AKNAD1: variants seen among roughly 807,000 people sequenced by gnomAD.
AKNAD1 encodes the protein AKNA domain containing 1, also known as protein AKNAD1.
A neutral mutation model predicts 90.8 loss-of-function variants in AKNAD1; 67 were observed. The ratio of observed to expected loss-of-function variants is 0.74; its 90% CI spans 0.61 to 0.90. The LOEUF (loss-of-function observed/expected upper bound fraction) is 0.90. Ranked by LOEUF, AKNAD1 falls within the 40% of genes least tolerant of loss-of-function variation. The pLI, the probability that AKNAD1 is intolerant of heterozygous loss-of-function variation, is 0.00. For missense variants in AKNAD1, 957 were observed against 975.4 expected (o/e 0.98, Z 0.25); for synonymous variants, 327 against 341.4 (o/e 0.96, Z 0.46).
chr1:108,824,281 T>G (rs535422156), intron 11 of AKNAD1, among the ~76,000 whole-genome samples: 12 of 152,298 alleles, frequency 7.9e-5, no homozygotes, highest in African/African-American at 2.6e-4. Context: ...GGCCAGAGTA[T>G]GAAAGCCTGG....
intron 14 of AKNAD1, among the ~76,000 whole-genome samples, chr1:108,818,080 C>T (rs1663680212): frequency 6.6e-6 from 1 of 152,110 alleles, no homozygotes; most frequent in South Asian, 2.1e-4. Context: ...CAGAGCATGG[C>T]TCTAGGGGGT....
chr1:108,818,209 C>T (rs1221182779), intron 14 of AKNAD1, among the ~76,000 whole-genome samples: 1 of 152,232 alleles, frequency 6.6e-6, no homozygotes. Context: ...GAGCCACCCT[C>T]ACAGCTTCCT....
At chr1:108,820,218 A>T (rs1663768242) in intron 14 of AKNAD1, among the ~76,000 whole-genome samples, 12 of 152,190 alleles carry the variant, frequency 7.9e-5, no homozygotes, top group Admixed American at 7.9e-4. Flanking sequence ...AGCTTCCCTG[A>T]GCCCCCAAAT....
chr1:108,822,409 C>G (rs1663844931), intron 13 of AKNAD1, among the ~76,000 whole-genome samples: 1 of 152,306 alleles, frequency 6.6e-6, no homozygotes, highest in East Asian at 1.9e-4. Flanking sequence ...ACTGGCATGA[C>G]AAGTGTCACA....
At position 108,833,772 on chromosome 1, in the gene AKNAD1, T is replaced by C. The variant is rs1664286455; in HGVS notation, c.1746+675A>G. On this transcript the variant is annotated intron_variant, in intron 9 of 15. Transcript: ENST00000370001. ...TTTATCATTGCTGAGCTTACAGGGTTACTCCTCCACTGACATTTAAGGCAG... is the reference window on the plus strand; with the variant it reads ...TTTATCATTGCTGAGCTTACAGGGTCACTCCTCCACTGACATTTAAGGCAG... Among the ~76,000 whole-genome samples, 3 of 151,784 alleles carry C rather than the reference T, an allele frequency of 2.0e-5. No individual in the cohort carries two copies. In the South Asian group the frequency reaches 6.2e-4, roughly 32 times the overall value.
chr1:108,853,406 C>T (rs1664931627), intron 1 of AKNAD1, among the ~76,000 whole-genome samples: 1 of 151,312 alleles, frequency 6.6e-6, no homozygotes, highest in African/African-American at 2.4e-5. Flanking sequence ...GCTGGGATTA[C>T]AGGCGTGAGC....
intron 1 of AKNAD1, among the ~76,000 whole-genome samples, chr1:108,853,129 C>CTTTTTTCTT (rs1664920172): frequency 7.7e-6 from 1 of 129,972 alleles, no homozygotes; most frequent in Admixed American, 7.4e-5. Context: ...GATTTTTTTT[C>CTTTTTTCTT]TTTTTTCTTT....
At chr1:108,822,545 G>T (rs562046239) in intron 13 of AKNAD1, among the ~76,000 whole-genome samples, 1 of 152,136 alleles carries the variant, frequency 6.6e-6, no homozygotes, top group Non-Finnish European at 1.5e-5. Context: ...GTGGGGAGGG[G>T]AGACACAGCT....
intron 14 of AKNAD1, among the ~76,000 whole-genome samples, chr1:108,818,855 C>T (rs541928026): frequency 2.4e-4 from 36 of 150,064 alleles, no homozygotes; most frequent in East Asian, 2.0e-3. Context: ...CCCAGCTACA[C>T]GGGAGGCTGA....
chr1:108,817,651 G>A (rs1256935610), intron 14 of AKNAD1, among the ~76,000 whole-genome samples: 13 of 151,142 alleles, frequency 8.6e-5, no homozygotes, highest in African/African-American at 2.2e-4. Flanking sequence ...ACAGGCGCCC[G>A]CCACCACGCC....
chr1:108,827,486 T>C (rs965909852), intron 10 of AKNAD1, among the ~76,000 whole-genome samples, 184 bp from the exon 11 acceptor site: 3 of 151,434 alleles, frequency 2.0e-5, no homozygotes, highest in East Asian at 4.0e-4. Flanking sequence ...CTACAAGAAA[T>C]TGCACCCCAG....
rs1360232789 is a variant in AKNAD1 at position 108,827,313 on chromosome 1, G to T, written c.1839-11C>A. On this transcript the variant is annotated splice_polypyrimidine_tract_variant and intron_variant, in intron 10 of 15. Transcript: ENST00000370001. Reference sequence around the variant, plus strand: ...TCCACGTTTTGCTTCCTAAAAAAAGGTGCATAAGATCCTGTAAACTTTTAG... The same window carrying T: ...TCCACGTTTTGCTTCCTAAAAAAAGTTGCATAAGATCCTGTAAACTTTTAG... 2.5e-6 allele frequency: 4 copies of T among 1,585,172 alleles called. No individual in the cohort carries two copies. The highest frequency in any genetic ancestry group is 3.5e-6 in the Non-Finnish European group (4 of 1,155,972).
chr1:108,849,049 C>G lies in AKNAD1; in HGVS notation c.1045G>C (p.Glu349Gln), dbSNP rs771143044. The G allele has an allele frequency of 1.3e-6, 2 of 1,598,684 alleles. No homozygotes were observed. The highest frequency in any genetic ancestry group is 2.7e-5 in the African/African-American group (2 of 74,124). Residue 349 changes from glutamate (E) to glutamine (Q), a missense_variant, in exon 4 of 16, where the codon GAG (glutamate) becomes CAG (glutamine). Physicochemically the swap from Glu to Gln is conservative, Grantham distance 29. Transcript: ENST00000370001. ...HQELLTGIES[E>Q]ASLSKLSPTS... ...GGTGACAACTTAGAGAGACTTGCCT[C>G]AGATTCTATTCCTATACAAGAAAGA... is the stretch of plus-strand genomic sequence containing the variant.
chr1:108,836,449 G>A lies in AKNAD1; in HGVS notation c.1536+1101C>T, dbSNP rs112477129. ...CCAGTGCTGCGGGGACACAGAGGCCGGGGCCAAGAATTCCTCCAGGTGCGG... is the reference window on the plus strand; with the variant it reads ...CCAGTGCTGCGGGGACACAGAGGCCAGGGCCAAGAATTCCTCCAGGTGCGG... On this transcript the variant is annotated intron_variant, in intron 7 of 15. Transcript: ENST00000370001. Among the ~76,000 whole-genome samples the A allele has an allele frequency of 4.6e-3, 695 of 152,196 alleles. 5 individuals carry two copies. Among genetic ancestry groups the A allele is most frequent in the Middle Eastern group, 0.017 (5 of 294 alleles).
In AKNAD1 at chr1:108,849,044, T is replaced by C. The variant is rs1664780256; in HGVS notation, c.1050A>G (p.Ala350=). ...AGGTTGGTGACAACTTAGAGAGACT[T>C]GCCTCAGATTCTATTCCTATACAAG... ...QELLTGIESE[A]SLSKLSPTSQ... Residue 350 remains alanine (A), a synonymous_variant, in exon 4 of 16, where the codon GCA becomes GCG. Transcript: ENST00000370001. 2.5e-6 allele frequency: 4 copies of C among 1,599,966 alleles called. No homozygotes were observed. In the African/African-American group the frequency reaches 5.4e-5, roughly 22 times the overall value.
intron 1 of AKNAD1, among the ~76,000 whole-genome samples, chr1:108,853,136 C>CTTTTTTTTT (rs889504364): frequency 0.093 from 12,340 of 132,750 alleles, 818 homozygotes; most frequent in Non-Finnish European, 0.12. Flanking sequence ...TTTCTTTTTT[C>CTTTTTTTTT]TTTTTTTTTT....
Position 108,834,493 on chromosome 1 carries a change from T to C in AKNAD1, c.1700A>G (p.Gln567Arg), listed in dbSNP as rs758307146. The change falls in exon 9 of 16, where the codon CAG (glutamine) becomes CGG (arginine). Residue 567 changes from glutamine (Q) to arginine (R), a missense_variant. Transcript: ENST00000370001. ...CATGGCCACTTGGTCTGGCTTGTTC[T>C]GGGCAGCTGCATCTCCATAATGACC... ...LNGHYGDAAA[Q>R]NKPDQVAMRL... 6.2e-7 allele frequency: 1 copy of C among 1,610,774 alleles called. No homozygotes were observed. Among genetic ancestry groups the C allele is most frequent in the South Asian group, 1.1e-5 (1 of 90,296 alleles).
chr1:108,846,251 G>C (rs1664697708), intron 5 of AKNAD1, among the ~76,000 whole-genome samples: 1 of 152,136 alleles, frequency 6.6e-6, no homozygotes, highest in Non-Finnish European at 1.5e-5. Flanking sequence ...ACCACAGGCT[G>C]ATAATGTCAG....
chr1:108,825,627 G>C (rs1338526), intron 11 of AKNAD1, among the ~76,000 whole-genome samples: 71,106 of 151,020 alleles, frequency 0.47, 17,587 homozygotes, highest in Non-Finnish European at 0.52. Flanking sequence ...TTGGAGAACA[G>C]CTAGCATTCA....
Sources: allele counts gnomAD v4.1 joint callset (sites outside exome capture counted in the v4.1 genomes callset), GRCh38; gene constraint gnomAD v4.1.1; transcripts MANE v1.5; gene names NCBI Gene and HGNC (gene_info 2026-07-23, HGNC 2026-07-21).